Variants in RFTN1 observed in about 807,000 individuals in gnomAD.
RFTN1 encodes the protein raftlin, lipid raft linker 1.
Under a neutral mutation model 46.5 loss-of-function variants are expected in RFTN1, and 26 were observed. The observed-to-expected ratio is 0.56, with a 90% CI of 0.41 to 0.78. The LOEUF (loss-of-function observed/expected upper bound fraction) is 0.78, where lower values mean the gene tolerates loss of function less well. Among genes scored for constraint, RFTN1 ranks in the 30% least tolerant of loss-of-function variants. The pLI, the probability that RFTN1 is intolerant of heterozygous loss-of-function variation, is 0.00. For missense variants in RFTN1, 693 were observed against 718.7 expected (o/e 0.96, Z 0.41); for synonymous variants, 261 against 284.2 (o/e 0.92, Z 0.82).
intron 2 of RFTN1, among the ~76,000 whole-genome samples, chr3:16,436,068 T>C (rs2075507376): frequency 1.4e-5 from 2 of 139,568 alleles, no homozygotes; most frequent in South Asian, 4.3e-4. Context: ...ACTCTGACAA[T>C]TCTCAGTGGA....
At position 16,426,659 on chromosome 3, in the gene RFTN1, TCG is replaced by T. The variant is rs1491367100; in HGVS notation, c.332+7190_332+7191del. ...CACTGTTATTTTGGCAATGAAAGGA[TCG>T]TGTGTGTGTGTGTGTGTGTGTGTGT... On this transcript the variant is annotated intron_variant, in intron 3 of 9. Coordinates refer to ENST00000334133, the MANE Select transcript of RFTN1 (RefSeq NM_015150.2). The surrounding 1 kb of genome is among the most constrained non-coding windows in gnomAD (Gnocchi z 5.9). Among the ~76,000 whole-genome samples the T allele has an allele frequency of 2.0e-4, 13 of 63,660 alleles. No homozygotes were observed. Among genetic ancestry groups the T allele is most frequent in the East Asian group, 1.8e-3 (5 of 2,766 alleles). The allele number at this position is 63,660 out of a possible 152,430, so 41.8% of individuals were successfully genotyped here. A position where few individuals can be genotyped will look rare whatever the true frequency, so the allele number is the denominator to read the frequency against.
rs1352367879 is a variant in RFTN1 at position 16,504,117 on chromosome 3, A to T, written c.-9+9325T>A. On this transcript the variant is annotated intron_variant, in intron 1 of 9. Coordinates refer to ENST00000334133, the MANE Select transcript of RFTN1 (RefSeq NM_015150.2). The surrounding 1 kb of genome is among the most constrained non-coding windows in gnomAD (Gnocchi z 4.4). Reference sequence around the variant, plus strand: ...GTTTCTCTGTACATTTTTTAATGGCATGCCCTAGACTAAAAAAAAAATACC... The same window carrying T: ...GTTTCTCTGTACATTTTTTAATGGCTTGCCCTAGACTAAAAAAAAAATACC... 7.1e-6 allele frequency among the ~76,000 whole-genome samples: 1 copy of T among 140,804 alleles called. No individual in the cohort carries two copies. Among genetic ancestry groups the T allele is most frequent in the African/African-American group, 2.6e-5 (1 of 38,972 alleles). 92.4% of individuals were successfully genotyped at this position (140,804 alleles called of 152,430 possible).
intron 7 of RFTN1, chr3:16,347,623 C>CACACTCACCTCTGTGTGT (rs2071819541): frequency 6.6e-6 from 1 of 152,240 alleles, no homozygotes; most frequent in African/African-American, 2.4e-5. Flanking sequence ...CCTCTGTGTG[C>CACACTCACCTCTGTGTGT]ACACTCACCT....
chr3:16,415,612 T>G (rs12487995), intron 3 of RFTN1, among the ~76,000 whole-genome samples: 14,254 of 151,524 alleles, frequency 0.094, 700 homozygotes, highest in Middle Eastern at 0.15. Context: ...GAATTTAATT[T>G]TGGGACCCTC....
chr3:16,355,077 G>A (rs112806123), intron 7 of RFTN1, among the ~76,000 whole-genome samples: 9 of 152,130 alleles, frequency 5.9e-5, no homozygotes, highest in African/African-American at 7.2e-5. Context: ...GATAATTTCC[G>A]ATAAGTCTGA....
In RFTN1 at chr3:16,356,402, T is replaced by A. The variant is rs903782619; in HGVS notation, c.1146+1530A>T. On this transcript the variant is annotated intron_variant, in intron 7 of 9. Coordinates refer to ENST00000334133, the MANE Select transcript of RFTN1 (RefSeq NM_015150.2). The surrounding 1 kb of genome is among the most constrained non-coding windows in gnomAD (Gnocchi z 4.9). ...GCCCCGGATGCTGTGACTTTCCAACTCCTGCTTCTGACGACTCCAGTTCCT... is the reference window on the plus strand; with the variant it reads ...GCCCCGGATGCTGTGACTTTCCAACACCTGCTTCTGACGACTCCAGTTCCT... Among the ~76,000 whole-genome samples, 8 of 152,188 alleles carry A rather than the reference T, an allele frequency of 5.3e-5. No homozygotes were observed. The highest frequency in any genetic ancestry group is 1.2e-4 in the Non-Finnish European group (8 of 68,044).
In RFTN1 at chr3:16,380,323, A is replaced by G. The variant is rs2073943230; in HGVS notation, c.442-2221T>C. Among the ~76,000 whole-genome samples the G allele has an allele frequency of 6.6e-6, 1 of 152,236 alleles. No individual in the cohort carries two copies. The highest frequency in any genetic ancestry group is 2.1e-4 in the South Asian group (1 of 4,832). ...GCAAGTGCGCCAAAGGATGGGGCACAAAGACGGTATCTCTAACCTCTCTCC... is the reference window on the plus strand; with the variant it reads ...GCAAGTGCGCCAAAGGATGGGGCACGAAGACGGTATCTCTAACCTCTCTCC... On this transcript the variant is annotated intron_variant, in intron 4 of 9. Transcript: ENST00000334133. This position sits in a 1 kb window ranked among gnomAD's most constrained non-coding sequence, Gnocchi z 4.8.
chr3:16,418,391 C>T lies in RFTN1; in HGVS notation c.333-8908G>A, dbSNP rs977262371. Among the ~76,000 whole-genome samples the T allele has an allele frequency of 3.3e-5, 5 of 152,062 alleles. No individual in the cohort carries two copies. The highest frequency in any genetic ancestry group is 1.2e-4 in the African/African-American group (5 of 41,404). On this transcript the variant is annotated intron_variant, in intron 3 of 9. Coordinates refer to ENST00000334133, the MANE Select transcript of RFTN1 (RefSeq NM_015150.2). This position sits in a 1 kb window ranked among gnomAD's most constrained non-coding sequence, Gnocchi z 5.0. ...AAATCCCTTAGATCTCTTCAAAGAC[C>T]ATGAGTTTAAACGATGTCTTCTTTT...
In RFTN1 at chr3:16,458,188, C is replaced by T. The variant is rs1253263119; in HGVS notation, c.146-24151G>A. 2.0e-5 allele frequency among the ~76,000 whole-genome samples: 3 copies of T among 152,150 alleles called. No homozygotes were observed. Among genetic ancestry groups the T allele is most frequent in the Non-Finnish European group, 4.4e-5 (3 of 68,030 alleles). ...ACTAAGACAGACATTCTTTGAGCACCTACTATGTGCCATGCTTGTGTTAGG... is the reference window on the plus strand; with the variant it reads ...ACTAAGACAGACATTCTTTGAGCACTTACTATGTGCCATGCTTGTGTTAGG... On this transcript the variant is annotated intron_variant, in intron 2 of 9. Transcript: ENST00000334133. This position sits in a 1 kb window ranked among gnomAD's most constrained non-coding sequence, Gnocchi z 5.1.
At chr3:16,379,495 G>A (rs62236297) in intron 4 of RFTN1, among the ~76,000 whole-genome samples, 8,726 of 152,260 alleles carry the variant, frequency 0.057, 314 homozygotes, top group Middle Eastern at 0.14. Context: ...TTTCAGATGA[G>A]GACACTGGAG....
chr3:16,405,289 G>A (rs1055997761), intron 4 of RFTN1, among the ~76,000 whole-genome samples: 1 of 152,088 alleles, frequency 6.6e-6, no homozygotes, highest in Non-Finnish European at 1.5e-5. Context: ...TTCATCCCTC[G>A]AGCATTCGGC....
At position 16,509,881 on chromosome 3, in the gene RFTN1, C is replaced by G. The variant is rs2076868981; in HGVS notation, c.-9+3561G>C. ...AGTCCCCAAACACAGTGCAATGTCT[C>G]AAGACTGAGCTGTCTGCCATCTGAC... On this transcript the variant is annotated intron_variant, in intron 1 of 9. Transcript: ENST00000334133. The surrounding 1 kb of genome is among the most constrained non-coding windows in gnomAD (Gnocchi z 4.9). Among the ~76,000 whole-genome samples, 1 of 152,224 alleles carries G rather than the reference C, an allele frequency of 6.6e-6. No individual in the cohort carries two copies. The highest frequency in any genetic ancestry group is 1.5e-5 in the Non-Finnish European group (1 of 68,044).
In RFTN1 at chr3:16,459,340, T is replaced by C. The variant is rs2075967715; in HGVS notation, c.146-25303A>G. ...CTCTTACATGAAGAGTTATGTGCCC[T>C]AGTAGAAAACTATTTTTCATTTTCT... On this transcript the variant is annotated intron_variant, in intron 2 of 9. Coordinates refer to ENST00000334133, the MANE Select transcript of RFTN1 (RefSeq NM_015150.2). This position sits in a 1 kb window ranked among gnomAD's most constrained non-coding sequence, Gnocchi z 4.2. Among the ~76,000 whole-genome samples, 1 of 152,234 alleles carries C rather than the reference T, an allele frequency of 6.6e-6. No individual in the cohort carries two copies. Among genetic ancestry groups the C allele is most frequent in the African/African-American group, 2.4e-5 (1 of 41,462 alleles).
chr3:16,363,544 G>T (rs1342322475), intron 6 of RFTN1, among the ~76,000 whole-genome samples: 1 of 152,250 alleles, frequency 6.6e-6, no homozygotes, highest in Non-Finnish European at 1.5e-5. Flanking sequence ...TAAATTCTGT[G>T]AGGCAACCAC....
At chr3:16,389,874 G>C (rs2074305358) in intron 4 of RFTN1, among the ~76,000 whole-genome samples, 1 of 152,190 alleles carries the variant, frequency 6.6e-6, no homozygotes, top group African/African-American at 2.4e-5. Flanking sequence ...GGACCCTTAT[G>C]TGACCTCCAA....
rs368902264 is a variant in RFTN1 at position 16,316,996 on chromosome 3, A to C, written c.1569T>G (p.Gly523=). 2.5e-6 allele frequency: 4 copies of C among 1,613,252 alleles called. No homozygotes were observed. Among genetic ancestry groups the C allele is most frequent in the Non-Finnish European group, 2.5e-6 (3 of 1,179,772 alleles). ...CCACACCCACCCCACACAGCAGGCC[A>C]CCAGGGGACAGCTGTTCTCCCTTGT... ...QEDKGEQLSP[G]GLLCGVGVEG... The change falls in exon 10 of 10, where the codon GGT becomes GGG. Residue 523 remains glycine (G), a synonymous_variant. Transcript: ENST00000334133. The surrounding 1 kb of genome is among the most constrained non-coding windows in gnomAD (Gnocchi z 4.5).
Position 16,406,112 on chromosome 3 carries a change from T to C in RFTN1, c.441+3263A>G, listed in dbSNP as rs2074850329. On this transcript the variant is annotated intron_variant, in intron 4 of 9. Coordinates refer to ENST00000334133, the MANE Select transcript of RFTN1 (RefSeq NM_015150.2). ...TCTACCTGGTGTGATGACAGAAAAA[T>C]TTACACATGTAAAATTCAGCCATCA... is the stretch of plus-strand genomic sequence containing the variant. Among the ~76,000 whole-genome samples the C allele has an allele frequency of 2.6e-5, 4 of 152,058 alleles. No individual in the cohort carries two copies. In the South Asian group the frequency reaches 8.3e-4, roughly 32 times the overall value.
In RFTN1 at chr3:16,425,343, G is replaced by T. The variant is rs572621975; in HGVS notation, c.332+8508C>A. On this transcript the variant is annotated intron_variant, in intron 3 of 9. Transcript: ENST00000334133. This position sits in a 1 kb window ranked among gnomAD's most constrained non-coding sequence, Gnocchi z 4.3. ...TTCACCCAAGTTTTAAGATTAACAG[G>T]AAATTTCAAAGAAATTCAGTGCTTG... is the stretch of plus-strand genomic sequence containing the variant. Among the ~76,000 whole-genome samples, 1 of 152,284 alleles carries T rather than the reference G, an allele frequency of 6.6e-6. No individual in the cohort carries two copies. Among genetic ancestry groups the T allele is most frequent in the African/African-American group, 2.4e-5 (1 of 41,560 alleles).
intron 2 of RFTN1, among the ~76,000 whole-genome samples, chr3:16,444,779 T>G (rs957978098): frequency 1.3e-5 from 2 of 152,242 alleles, no homozygotes; most frequent in Admixed American, 1.3e-4. Flanking sequence ...AAGTGCTCCT[T>G]ACGAGTTTCA....
Sources: gnomAD v4.1 joint callset for allele counts (sites outside exome capture counted in the v4.1 genomes callset) on GRCh38, gnomAD v4.1.1 for gene constraint, Gnocchi (gnomAD v3.1) non-coding constraint, MANE v1.5 for transcripts, NCBI Gene and HGNC (gene_info 2026-07-23, HGNC 2026-07-21) for gene names.